ZMYM4: variants seen among roughly 807,000 people sequenced by gnomAD.
The protein encoded by ZMYM4 is zinc finger MYM-type protein 4.
In ZMYM4, 31 loss-of-function variants were observed where a neutral mutation model predicts 183.2. The ratio of observed to expected loss-of-function variants is 0.17; its 90% CI spans 0.13 to 0.23. The LOEUF is 0.23. ZMYM4 is among the 10% of genes least tolerant of loss of function. ZMYM4 has a pLI of 1.00. For missense variants in ZMYM4, 1,273 were observed against 1,840.3 expected, an observed-to-expected ratio of 0.69 and a Z score of 5.64; for synonymous variants, 592 against 631.2, an observed-to-expected ratio of 0.94 and a Z score of 0.93.
At chr1:35,401,782 A>G (rs558437332) in intron 23 of ZMYM4, among the ~76,000 whole-genome samples, 143 of 152,282 alleles carry the variant, frequency 9.4e-4, no homozygotes, top group Middle Eastern at 3.4e-3. Context: ...TAATTTTTAT[A>G]TATGAGTTGA....
chr1:35,382,906 A>G (rs940287362), intron 9 of ZMYM4, among the ~76,000 whole-genome samples: 1 of 152,198 alleles, frequency 6.6e-6, no homozygotes, highest in African/African-American at 2.4e-5. Flanking sequence ...AGATTTGCAT[A>G]TATACTTCTT....
rs1477319185 is a variant in ZMYM4 at position 35,311,713 on chromosome 1, ATAT to A, written c.40-13645_40-13643del. Reference sequence around the variant, plus strand: ...ATATGTATATATTGAAAACCGTGTAATATTTTTTACACTCCACTGTTAAACATA... The same window carrying A: ...ATATGTATATATTGAAAACCGTGTAATTTTTACACTCCACTGTTAAACATA... On this transcript the variant is annotated intron_variant, in intron 1 of 29. Transcript: ENST00000314607. Among the ~76,000 whole-genome samples the A allele has an allele frequency of 3.9e-5, 6 of 152,296 alleles. No homozygotes were observed. The East Asian group carries it at 1.2e-3, about 29-fold the overall frequency.
At chr1:35,383,510 A>G (rs1349212571) in intron 9 of ZMYM4, among the ~76,000 whole-genome samples, 1 of 152,148 alleles carries the variant, frequency 6.6e-6, no homozygotes, top group Non-Finnish European at 1.5e-5. Context: ...AAAACACACT[A>G]TAATGGCTAA....
chr1:35,322,775 C>T (rs866479403), intron 1 of ZMYM4, among the ~76,000 whole-genome samples: 10 of 152,004 alleles, frequency 6.6e-5, no homozygotes, highest in South Asian at 2.1e-4. Flanking sequence ...CTGTAACCTC[C>T]GCTTCCCAGG....
Position 35,382,099 on chromosome 1 carries a change from C to T in ZMYM4, c.1569+341C>T, listed in dbSNP as rs1475649456. Reference sequence around the variant, plus strand: ...GGTGGAGGTTGCAGTGAGCCAAGATCGTACCATTGCACTCCAGCCTGGGCA... The same window carrying T: ...GGTGGAGGTTGCAGTGAGCCAAGATTGTACCATTGCACTCCAGCCTGGGCA... On this transcript the variant is annotated intron_variant, in intron 9 of 29. Coordinates refer to ENST00000314607, the MANE Select transcript of ZMYM4 (RefSeq NM_005095.3). Among the ~76,000 whole-genome samples the T allele has an allele frequency of 4.0e-5, 6 of 148,966 alleles. No homozygotes were observed. In the South Asian group the frequency reaches 6.4e-4, roughly 16 times the overall value.
rs1188623 is a variant in ZMYM4, at chr1:35,389,451, T to A, written c.2436+369T>A. ...AAGTCTGTATGTTACATGTGTTTTT[T>A]AAAAAAAATTAGTATAAAATCAGCT... On this transcript the variant is annotated intron_variant, in intron 14 of 29. Transcript: ENST00000314607. This position sits in a 1 kb window ranked among gnomAD's most constrained non-coding sequence, Gnocchi z 4.0. Among the ~76,000 whole-genome samples, 38,959 of 151,980 alleles carry A rather than the reference T, an allele frequency of 0.26. 10,481 individuals carry two copies. Among genetic ancestry groups the A allele is most frequent in the East Asian group, 0.77 (3,987 of 5,158 alleles).
intron 5 of ZMYM4, among the ~76,000 whole-genome samples, chr1:35,363,483 C>G (rs1476811534): frequency 6.6e-6 from 1 of 152,054 alleles, no homozygotes; most frequent in African/African-American, 2.4e-5. Flanking sequence ...TATTGAGAAC[C>G]ATTGTATTAG....
chr1:35,361,796 A>G lies in ZMYM4; in HGVS notation c.840+7A>G, dbSNP rs779598083. On this transcript the variant is annotated splice_region_variant and intron_variant, in intron 5 of 29. Transcript: ENST00000314607. ...TGAACCTGACAATGCTCAAGTAAAC[A>G]TTTCACCTTTTTTCCCCCCTTCTTT... is the stretch of plus-strand genomic sequence containing the variant. 6.3e-7 allele frequency: 1 copy of G among 1,594,004 alleles called. No homozygotes were observed. Among genetic ancestry groups the G allele is most frequent in the Non-Finnish European group, 8.5e-7 (1 of 1,172,946 alleles).
At chr1:35,393,783 A>G in intron 18 of ZMYM4, 44 bp downstream of exon 18, 2 of 1,546,078 alleles carry the variant, frequency 1.3e-6, no homozygotes, top group Non-Finnish European at 1.7e-6. Context: ...TTTTAAGGGA[A>G]AGAAATGTAG....
At chr1:35,297,350 A>G (rs1040235183) in intron 1 of ZMYM4, among the ~76,000 whole-genome samples, 3 of 152,038 alleles carry the variant, frequency 2.0e-5, no homozygotes, top group African/African-American at 7.3e-5. Context: ...AAAATGAGCC[A>G]GGCATTTTGG....
In ZMYM4 at chr1:35,392,641, A is replaced by G; in HGVS notation, c.2729-6A>G. 2 of 1,591,228 alleles carry G rather than the reference A, an allele frequency of 1.3e-6. No homozygotes were observed. Among genetic ancestry groups the G allele is most frequent in the Non-Finnish European group, 1.7e-6 (2 of 1,172,458 alleles). On this transcript the variant is annotated splice_region_variant and splice_polypyrimidine_tract_variant and intron_variant, in intron 16 of 29. Transcript: ENST00000314607. ...ATCCTAAATTTATGTTTTAATTTAT[A>G]TCAAGGTGCAGTTCCAACAGTAACA... is the stretch of plus-strand genomic sequence containing the variant.
At chr1:35,361,024 G>A (rs1305686086) in intron 3 of ZMYM4, among the ~76,000 whole-genome samples, 170 bp from the exon 4 acceptor site, 1 of 150,950 alleles carries the variant, frequency 6.6e-6, no homozygotes, top group Non-Finnish European at 1.5e-5. Context: ...AGATTGTGCA[G>A]AACTTTGAGT....
At position 35,387,006 on chromosome 1, in the gene ZMYM4, T is replaced by G. The variant is rs1644593115; in HGVS notation, c.1840T>G (p.Leu614Val). ...TTTTGTTGTTTTGTTTTTCCAGAAT[T>G]TATTCAACAAACCAACTGGAATGAA... ...SYSCVVAFQN[L>V]FNKPTGMNSS... The change falls in exon 12 of 30, where the codon TTA becomes GTA. Residue 614 changes from leucine (L) to valine (V), a missense_variant. By Grantham distance (32) the Leu-to-Val change is conservative. Coordinates refer to ENST00000314607, the MANE Select transcript of ZMYM4 (RefSeq NM_005095.3). The G allele has an allele frequency of 6.2e-7, 1 of 1,612,122 alleles. No homozygotes were observed. Among genetic ancestry groups the G allele is most frequent in the Non-Finnish European group, 8.5e-7 (1 of 1,178,426 alleles).
At chr1:35,300,478 G>A (rs1173857865) in intron 1 of ZMYM4, among the ~76,000 whole-genome samples, 1 of 152,140 alleles carries the variant, frequency 6.6e-6, no homozygotes, top group Non-Finnish European at 1.5e-5. Context: ...AAATTGGGAA[G>A]TTTTGGCCAT....
chr1:35,367,390 C>T (rs116230111), intron 5 of ZMYM4, among the ~76,000 whole-genome samples: 238 of 151,710 alleles, frequency 1.6e-3, no homozygotes, highest in African/African-American at 5.4e-3. Context: ...CACCACACCC[C>T]GCTGATTTCT....
intron 3 of ZMYM4, among the ~76,000 whole-genome samples, chr1:35,360,664 G>T (rs977192338): frequency 1.3e-5 from 2 of 152,076 alleles, no homozygotes; most frequent in Non-Finnish European, 2.9e-5. Context: ...GCTGAATAGC[G>T]TAAGATTTAA....
At chr1:35,410,565 T>G (rs1639845211) in intron 26 of ZMYM4, among the ~76,000 whole-genome samples, 1 of 151,934 alleles carries the variant, frequency 6.6e-6, no homozygotes, top group Non-Finnish European at 1.5e-5. Context: ...CTGGGCTCAC[T>G]GCAAGCTGCG....
intron 27 of ZMYM4, among the ~76,000 whole-genome samples, chr1:35,414,431 A>T (rs1355179766): frequency 6.6e-6 from 1 of 152,200 alleles, no homozygotes; most frequent in Non-Finnish European, 1.5e-5. Context: ...AACTGTTGTT[A>T]AGAGAGTTAA....
chr1:35,393,932 G>A (rs1475190772), intron 18 of ZMYM4, among the ~76,000 whole-genome samples, 193 bp downstream of exon 18: 1 of 152,138 alleles, frequency 6.6e-6, no homozygotes, highest in Non-Finnish European at 1.5e-5. Context: ...GGGTCAAAGA[G>A]AAGGAAGTTA....
Sources: allele counts gnomAD v4.1 joint callset (sites outside exome capture counted in the v4.1 genomes callset), GRCh38; gene constraint gnomAD v4.1.1; non-coding constraint Gnocchi (gnomAD v3.1); transcripts MANE v1.5; gene names NCBI Gene and HGNC (gene_info 2026-07-23, HGNC 2026-07-21).